The following GAS2 variants were observed in gnomAD, a reference collection of about 807,000 sequenced individuals.
GAS2 encodes the protein growth arrest specific 2.
Under a neutral mutation model 37.5 loss-of-function variants are expected in GAS2, and 20 were observed. The ratio of observed to expected loss-of-function variants is 0.53; its 90% CI spans 0.37 to 0.77. GAS2 has a LOEUF of 0.77. GAS2 is among the 30% of genes least tolerant of loss of function. The pLI is 0.00. For missense variants in GAS2, 336 were observed against 373.4 expected (o/e 0.90, Z 0.82); for synonymous variants, 144 against 132.2 (o/e 1.09, Z -0.61).
chr11:22,685,566 G>C, intron 2 of GAS2, 102 bp from the exon 3 acceptor site: 3 of 1,270,462 alleles, frequency 2.4e-6, no homozygotes, highest in Non-Finnish European at 3.3e-6. Context: ...ATGTAACTCA[G>C]CTAGAATAGC....
At chr11:22,747,807 T>C (rs1853493238) in intron 5 of GAS2, among the ~76,000 whole-genome samples, 1 of 152,024 alleles carries the variant, frequency 6.6e-6, no homozygotes, top group Admixed American at 6.6e-5. Flanking sequence ...ATTTTATAAA[T>C]CCCTTTATCT....
At chr11:22,650,600 T>G (rs957060152) in intron 1 of GAS2, among the ~76,000 whole-genome samples, 1 of 148,278 alleles carries the variant, frequency 6.7e-6, no homozygotes. Context: ...ATCTGGGTGC[T>G]CCTGTATTGG....
chr11:22,675,135 G>C (rs1849365366), intron 2 of GAS2, 121 bp downstream of exon 2: 3 of 1,016,344 alleles, frequency 3.0e-6, no homozygotes, highest in Non-Finnish European at 4.1e-6. Context: ...TTTATTATTT[G>C]ACATTTGCAT....
chr11:22,653,770 C>T lies in GAS2; in HGVS notation c.-20-21080C>T, dbSNP rs1053102065. ...TAAACGTGGCTTCAGAATTATTTGA[C>T]ACTCCTTGTCTGGAGAGAATGGACT... On this transcript the variant is annotated intron_variant, in intron 1 of 5. Coordinates refer to the GAS2 transcript ENST00000528582. Among the ~76,000 whole-genome samples, 5 of 152,308 alleles carry T rather than the reference C, an allele frequency of 3.3e-5. No homozygotes were observed. The South Asian group carries it at 8.3e-4, about 25-fold the overall frequency.
rs1857251770 is a variant in GAS2, at chr11:22,812,875, T to C, written c.*859T>C. ...GCTTTCTAGTAAAGTAAATTCACTGTAGCTAATGATGTTACAGACTTACGT... is the reference window on the plus strand; with the variant it reads ...GCTTTCTAGTAAAGTAAATTCACTGCAGCTAATGATGTTACAGACTTACGT... On this transcript the variant is annotated 3_prime_UTR_variant, in exon 8 of 8. Transcript: ENST00000454584. The C allele has an allele frequency of 6.6e-6, 1 of 152,638 alleles. No individual in the cohort carries two copies. The highest frequency in any genetic ancestry group is 2.4e-5 in the African/African-American group (1 of 41,466). 9.5% of individuals were successfully genotyped at this position (152,638 alleles called of 1,614,324 possible).
intron 7 of GAS2, among the ~76,000 whole-genome samples, chr11:22,769,324 T>TC (rs1373261658): frequency 6.6e-6 from 1 of 152,192 alleles, no homozygotes; most frequent in Non-Finnish European, 1.5e-5. Context: ...GAATAACATG[T>TC]CCAACCTTGA....
At chr11:22,665,048 A>G (rs1000816992), upstream of GAS2, among the ~76,000 whole-genome samples, 3 of 151,858 alleles carry the variant, frequency 2.0e-5, no homozygotes, top group Admixed American at 6.6e-5. Context: ...AGAGGGAGTA[A>G]TTTTGAATGA....
chr11:22,712,617 A>G (rs578262295), intron 3 of GAS2, among the ~76,000 whole-genome samples: 1 of 152,322 alleles, frequency 6.6e-6, no homozygotes, highest in South Asian at 2.1e-4. Flanking sequence ...TAGAAAAGTA[A>G]TTCTGGTAAT....
intron 1 of GAS2, among the ~76,000 whole-genome samples, chr11:22,649,137 A>G (rs1019681735): frequency 9.9e-5 from 15 of 151,676 alleles, no homozygotes; most frequent in Admixed American, 3.3e-4. Context: ...GGGTTGTTGA[A>G]TTTTGTCAAA....
chr11:22,650,311 A>G (rs1045078008), intron 1 of GAS2, among the ~76,000 whole-genome samples: 11 of 150,384 alleles, frequency 7.3e-5, no homozygotes, highest in Admixed American at 2.6e-4. Flanking sequence ...GTTCTTTTAC[A>G]TTTGGTGAGG....
intron 1 of GAS2, among the ~76,000 whole-genome samples, chr11:22,635,174 A>G (rs76559941): frequency 0.015 from 2,234 of 152,280 alleles, 50 homozygotes; most frequent in African/African-American, 0.051. Context: ...GACTTCCCAA[A>G]GTCCCTGCCC....
intron 1 of GAS2, 165 bp downstream of exon 1, chr11:22,667,064 G>A (rs1849009584): frequency 6.6e-6 from 1 of 152,278 alleles, no homozygotes; most frequent in Admixed American, 6.5e-5. Context: ...GAAGAGTGAA[G>A]AGCCGCGGAC....
intron 7 of GAS2, among the ~76,000 whole-genome samples, chr11:22,811,417 AG>A (rs1048754695): frequency 6.6e-6 from 1 of 152,160 alleles, no homozygotes; most frequent in Non-Finnish European, 1.5e-5. Context: ...CCTGATTCAG[AG>A]GGGAATAACC....
chr11:22,768,989 C>T (rs915506363), intron 7 of GAS2, among the ~76,000 whole-genome samples: 4 of 152,178 alleles, frequency 2.6e-5, no homozygotes, highest in African/African-American at 9.7e-5. Flanking sequence ...GTTACTCAGT[C>T]CTGGACTCTA....
At chr11:22,710,004 G>T (rs1851316799) in intron 3 of GAS2, among the ~76,000 whole-genome samples, 1 of 141,032 alleles carries the variant, frequency 7.1e-6, no homozygotes, top group Non-Finnish European at 1.5e-5. Context: ...GCACTCTGGG[G>T]ACTGTTGTGG....
At chr11:22,640,616 T>A (rs562521339) in intron 1 of GAS2, among the ~76,000 whole-genome samples, 1 of 152,264 alleles carries the variant, frequency 6.6e-6, no homozygotes, top group African/African-American at 2.4e-5. Context: ...TAAAAGCCAA[T>A]GTAAAAAAAT....
intron 3 of GAS2, among the ~76,000 whole-genome samples, chr11:22,709,913 A>C (rs1196583075): frequency 6.6e-6 from 1 of 151,842 alleles, no homozygotes; most frequent in Non-Finnish European, 1.5e-5. Context: ...TTGCAAGGAC[A>C]AAAAAACCAA....
rs1224470004 is a variant in GAS2 at position 22,795,905 on chromosome 11, G to A, written c.724-15893G>A. 2.0e-5 allele frequency among the ~76,000 whole-genome samples: 3 copies of A among 152,122 alleles called. No individual in the cohort carries two copies. The East Asian group carries it at 5.8e-4, about 29-fold the overall frequency. On this transcript the variant is annotated intron_variant, in intron 7 of 7. Coordinates refer to ENST00000454584, the MANE Select transcript of GAS2 (RefSeq NM_001143830.3). ...AGATCAAAAAATTTTGGACTAAGGA[G>A]CTAGTAGTGAAGATGGTGAGAACAG...
chr11:22,646,392 A>G (rs1017576637), intron 1 of GAS2, among the ~76,000 whole-genome samples: 1 of 152,154 alleles, frequency 6.6e-6, no homozygotes, highest in East Asian at 1.9e-4. Flanking sequence ...CTGACTGCCA[A>G]ATTTTCCCTT....
Sources: allele counts gnomAD v4.1 joint callset (sites outside exome capture counted in the v4.1 genomes callset), GRCh38; gene constraint gnomAD v4.1.1; transcripts MANE v1.5; gene names NCBI Gene and HGNC (gene_info 2026-07-23, HGNC 2026-07-21).